The following NME9 variants were observed in gnomAD, a reference collection of about 807,000 sequenced individuals.
NME9 encodes NME/NM23 family member 9, also known as thioredoxin domain-containing protein 6.
In NME9, 48 loss-of-function variants were observed where a neutral mutation model predicts 44.4. That is an observed-to-expected ratio of 1.08 (90% CI 0.86 to 1.37). NME9 has a LOEUF of 1.37. Ranked by LOEUF, NME9 falls within the 40% of genes most tolerant of loss-of-function variation. The pLI is 0.00. For synonymous variants in NME9, 139 were observed against 147.1 expected, an observed-to-expected ratio of 0.94 and a Z score of 0.40; for missense variants, 325 against 405.2, an observed-to-expected ratio of 0.80 and a Z score of 1.70.
chr3:138,295,056 A>T (rs776054688), intron 8 of NME9, among the ~76,000 whole-genome samples: 3 of 151,300 alleles, frequency 2.0e-5, no homozygotes. Flanking sequence ...CCGCTGCCAC[A>T]CTCGGCTAAT....
At chr3:138,328,143 G>T (rs1248715696) in intron 1 of NME9, among the ~76,000 whole-genome samples, 3 of 152,174 alleles carry the variant, frequency 2.0e-5, no homozygotes, top group African/African-American at 7.2e-5. Context: ...GTATGAAGTG[G>T]CTTCTGACTC....
At chr3:138,262,336 T>C (rs902720991) in exon 9 of NME9, 2 of 601,054 alleles carry the variant, frequency 3.3e-6, no homozygotes, top group African/African-American at 1.9e-5. Context: ...GATCAATATG[T>C]AAATGTTTTG....
At chr3:138,313,680 A>C (rs1446150729) in intron 6 of NME9, among the ~76,000 whole-genome samples, 1 of 152,248 alleles carries the variant, frequency 6.6e-6, no homozygotes, top group Non-Finnish European at 1.5e-5. Flanking sequence ...TCAATGGATG[A>C]ATAAAGAAAA....
At chr3:138,319,698 C>G in intron 2 of NME9, 117 bp from the exon 3 acceptor site, 2 of 651,800 alleles carry the variant, frequency 3.1e-6, no homozygotes, top group African/African-American at 1.8e-5. Context: ...GCCGGGATAT[C>G]TAATGGTTAA....
intron 7 of NME9, 123 bp downstream of exon 7, chr3:138,306,275 G>A: frequency 2.3e-6 from 2 of 882,068 alleles, no homozygotes; most frequent in East Asian, 2.5e-5. Context: ...AATGGAACTT[G>A]AGCTACAACC....
chr3:138,308,945 GAAAAAAAAAA>G (rs1002890235), intron 6 of NME9, among the ~76,000 whole-genome samples: 5 of 52,898 alleles, frequency 9.5e-5, no homozygotes, highest in East Asian at 7.5e-4. Flanking sequence ...AATACTGAAA[GAAAAAAAAAA>G]AAAAAAAAAA....
In NME9 at chr3:138,329,776, A is replaced by C; in HGVS notation, c.-441T>G. On this transcript the variant is annotated 5_prime_UTR_variant, in exon 1 of 11. Transcript: ENST00000333911. ...TTACTGGGAAAGTGAGCCACTGCGA[A>C]CGACAGGTACAAGATCTTCGACGCG... 1.0e-6 allele frequency: 1 copy of C among 994,320 alleles called. No homozygotes were observed. The highest frequency in any genetic ancestry group is 1.2e-6 in the Non-Finnish European group (1 of 835,712). 61.6% of individuals were successfully genotyped at this position (994,320 alleles called of 1,614,324 possible). A position where few individuals can be genotyped will look rare whatever the true frequency, so the allele number is the denominator to read the frequency against.
chr3:138,286,576 C>G (rs1340208415), intron 8 of NME9, among the ~76,000 whole-genome samples: 1 of 152,202 alleles, frequency 6.6e-6, no homozygotes, highest in East Asian at 1.9e-4. Context: ...AGATCACAAC[C>G]TTCATTGTAC....
Position 138,303,543 on chromosome 3 carries a change from A to C in NME9, c.892T>G (p.Leu298Val), listed in dbSNP as rs764283664. 1 of 1,613,832 alleles carries C rather than the reference A, an allele frequency of 6.2e-7. No homozygotes were observed. Among genetic ancestry groups the C allele is most frequent in the East Asian group, 2.2e-5 (1 of 44,888 alleles). ...TCTGTATCTTTGTCTGAAAATTTCAAACTGGGGAAGAGCAATGCCAGTTCT... is the reference window on the plus strand; with the variant it reads ...TCTGTATCTTTGTCTGAAAATTTCACACTGGGGAAGAGCAATGCCAGTTCT... Reference protein sequence around the residue: ...DRELALLFPSLKFSDKDTEAP... With the variant: ...DRELALLFPSVKFSDKDTEAP... The change falls in exon 10 of 11, where the codon TTG becomes GTG. Residue 298 changes from leucine (L) to valine (V), a missense_variant. Physicochemically the swap from Leu to Val is conservative, Grantham distance 32. Coordinates refer to ENST00000333911, the MANE Select transcript of NME9 (RefSeq NM_001349018.2).
chr3:138,265,198 C>G (rs1486373288), intron 8 of NME9, among the ~76,000 whole-genome samples: 13 of 152,002 alleles, frequency 8.6e-5, no homozygotes, highest in Admixed American at 8.5e-4. Context: ...ATGCCTGACC[C>G]CTGGATATTT....
intron 8 of NME9, among the ~76,000 whole-genome samples, chr3:138,273,627 A>G (rs757336544): frequency 2.4e-4 from 36 of 152,286 alleles, no homozygotes; most frequent in Non-Finnish European, 4.1e-4. Flanking sequence ...ATACCTCTCA[A>G]TGTTCTCTAA....
At chr3:138,267,583 A>G (rs964307575) in intron 8 of NME9, among the ~76,000 whole-genome samples, 1 of 152,226 alleles carries the variant, frequency 6.6e-6, no homozygotes, top group African/African-American at 2.4e-5. Context: ...ATAAATTAAG[A>G]CTAAATTTTG....
At chr3:138,274,582 T>C in intron 8 of NME9, 2 of 1,488,104 alleles carry the variant, frequency 1.3e-6, no homozygotes, top group Non-Finnish European at 1.9e-6. Flanking sequence ...ATTTTCTGAA[T>C]GTGAGCACAA....
intron 2 of NME9, 82 bp from the exon 3 acceptor site, chr3:138,319,663 A>G: frequency 1.4e-6 from 1 of 727,292 alleles, no homozygotes; most frequent in South Asian, 1.5e-5. Context: ...GTACATTCTA[A>G]CCCCCCTCAA....
At chr3:138,299,333 G>A (rs2051722479), downstream of NME9, among the ~76,000 whole-genome samples, 1 of 152,156 alleles carries the variant, frequency 6.6e-6, no homozygotes, top group Non-Finnish European at 1.5e-5. Flanking sequence ...TGGAGGTCCA[G>A]AGCCAGTCCT....
chr3:138,303,259 A>G, intron 10 of NME9: 1 of 384,958 alleles, frequency 2.6e-6, no homozygotes, highest in Non-Finnish European at 4.7e-6. Context: ...TAACAAAAAT[A>G]TGACTCCAAG....
intron 8 of NME9, among the ~76,000 whole-genome samples, chr3:138,292,263 CT>C (rs2051029085): frequency 6.6e-6 from 1 of 152,228 alleles, no homozygotes; most frequent in South Asian, 2.1e-4. Context: ...TGGTCTCAAA[CT>C]TCTGACCTCA....
intron 1 of NME9, among the ~76,000 whole-genome samples, chr3:138,326,653 G>A (rs1198258849): frequency 1.3e-5 from 2 of 151,316 alleles, no homozygotes; most frequent in African/African-American, 2.4e-5. Context: ...CAGGCTGGTC[G>A]TGAACTCCTG....
chr3:138,264,412 C>CTTTT (rs11298899), intron 8 of NME9, among the ~76,000 whole-genome samples: 162 of 48,608 alleles, frequency 3.3e-3, no homozygotes, highest in African/African-American at 6.9e-3. Context: ...GATTTTCTTT[C>CTTTT]TTTTTTTTTT....
Sources: gnomAD v4.1 joint callset for allele counts (sites outside exome capture counted in the v4.1 genomes callset) on GRCh38, gnomAD v4.1.1 for gene constraint, MANE v1.5 for transcripts, NCBI Gene and HGNC (gene_info 2026-07-23, HGNC 2026-07-21) for gene names.